KLF7: variants seen among roughly 807,000 people sequenced by gnomAD.
KLF7 encodes Krueppel-like factor 7.
A neutral mutation model predicts 27.3 loss-of-function variants in KLF7; 2 were observed. That is an observed-to-expected ratio of 0.07 (90% CI 0.03 to 0.23). The LOEUF is 0.23. KLF7 is among the 10% of genes least tolerant of loss of function. The pLI, the probability that KLF7 is intolerant of heterozygous loss-of-function variation, is 1.00. For synonymous variants in KLF7, 165 were observed against 162.4 expected (o/e 1.02, Z -0.12); for missense variants, 221 against 394.1 (o/e 0.56, Z 3.72).
chr2:207,152,272 TAC>T lies in KLF7; in HGVS notation c.102+13193_102+13194del, dbSNP rs67380335. Among the ~76,000 whole-genome samples the T allele has an allele frequency of 8.0e-4, 120 of 150,580 alleles. 1 individual carries two copies. Among genetic ancestry groups the T allele is most frequent in the African/African-American group, 2.8e-3 (113 of 40,690 alleles). ...CTAAGAACTGGTTACATGTTTTTCT[TAC>T]ACACACACACACACACACACACACA... is the stretch of plus-strand genomic sequence containing the variant. On this transcript the variant is annotated intron_variant, in intron 1 of 3. Coordinates refer to ENST00000309446, the MANE Select transcript of KLF7 (RefSeq NM_003709.4).
intron 2 of KLF7, among the ~76,000 whole-genome samples, chr2:207,102,168 C>T (rs1027814198): frequency 3.4e-5 from 5 of 148,388 alleles, no homozygotes; most frequent in South Asian, 4.4e-4. Context: ...ACCCTGCCCT[C>T]CCCCCCAATC....
At chr2:207,095,957 C>T (rs2076619158) in intron 2 of KLF7, among the ~76,000 whole-genome samples, 1 of 152,102 alleles carries the variant, frequency 6.6e-6, no homozygotes, top group African/African-American at 2.4e-5. Context: ...TTTAAAGTTA[C>T]ATATGTGGTT....
chr2:207,121,855 C>T (rs914836111), intron 2 of KLF7: 1 of 152,264 alleles, frequency 6.6e-6, no homozygotes, highest in African/African-American at 2.4e-5. Flanking sequence ...ATGCTCTGGA[C>T]TCCCTAAAAA....
At chr2:207,112,520 T>A (rs995683685) in intron 2 of KLF7, among the ~76,000 whole-genome samples, 1 of 152,218 alleles carries the variant, frequency 6.6e-6, no homozygotes, top group African/African-American at 2.4e-5. Flanking sequence ...GTAACAGCCA[T>A]TAGTGTCAAA....
At chr2:207,170,229 A>C (rs2078775764), upstream of KLF7, among the ~76,000 whole-genome samples, 1 of 152,238 alleles carries the variant, frequency 6.6e-6, no homozygotes, top group African/African-American at 2.4e-5. Context: ...ATGGAAGATC[A>C]AACCAGCAAC....
At chr2:207,140,992 A>T (rs1232145873) in intron 1 of KLF7, among the ~76,000 whole-genome samples, 1 of 152,192 alleles carries the variant, frequency 6.6e-6, no homozygotes, top group East Asian at 1.9e-4. Flanking sequence ...TGCTCCTTCT[A>T]CATAATTAGC....
chr2:207,165,298 G>A (rs1351917280), intron 1 of KLF7, among the ~76,000 whole-genome samples, 169 bp downstream of exon 1: 2 of 152,094 alleles, frequency 1.3e-5, no homozygotes, highest in African/African-American at 2.4e-5. Flanking sequence ...GGGTGGAGAG[G>A]TAAGCGCAGA....
At chr2:207,167,914 G>A (rs2078754241), upstream of KLF7, among the ~76,000 whole-genome samples, 1 of 152,158 alleles carries the variant, frequency 6.6e-6, no homozygotes, top group South Asian at 2.1e-4. Flanking sequence ...CCCCACTTGA[G>A]CTATGTAAAC....
In KLF7 at chr2:207,161,183, T is replaced by C. The variant is rs867794490; in HGVS notation, c.102+4284A>G. Among the ~76,000 whole-genome samples, 41 of 152,322 alleles carry C rather than the reference T, an allele frequency of 2.7e-4. No individual in the cohort carries two copies. The Middle Eastern group carries it at 0.014, about 51-fold the overall frequency. On this transcript the variant is annotated intron_variant, in intron 1 of 3. Transcript: ENST00000309446. ...TATTAAAGGCTAAGTGTGTGATTGATTGCAGTCACATGTGCTTTCATTTGT... is the reference window on the plus strand; with the variant it reads ...TATTAAAGGCTAAGTGTGTGATTGACTGCAGTCACATGTGCTTTCATTTGT...
intron 1 of KLF7, among the ~76,000 whole-genome samples, chr2:207,137,916 A>T (rs1174660006): frequency 2.0e-5 from 3 of 152,222 alleles, no homozygotes; most frequent in Non-Finnish European, 4.4e-5. Context: ...TGCTTTGCCC[A>T]ATTCTGAACC....
chr2:207,142,804 C>T (rs377422600), intron 1 of KLF7, among the ~76,000 whole-genome samples: 31 of 152,318 alleles, frequency 2.0e-4, no homozygotes, highest in East Asian at 1.7e-3. Context: ...GTACACATTA[C>T]GGAGGAGCAA....
intron 2 of KLF7, among the ~76,000 whole-genome samples, chr2:207,094,308 G>C (rs17216319): frequency 0.069 from 10,463 of 152,114 alleles, 400 homozygotes; most frequent in Middle Eastern, 0.092. Context: ...TTAGGATTTT[G>C]ACCTGCCTAG....
chr2:207,146,854 C>T (rs375086010), intron 1 of KLF7, among the ~76,000 whole-genome samples: 15 of 152,208 alleles, frequency 9.9e-5, no homozygotes, highest in East Asian at 5.8e-4. Flanking sequence ...GGGGCCAGAA[C>T]ATGAATGCCC....
chr2:207,166,930 G>A, upstream of KLF7: 1 of 868,850 alleles, frequency 1.2e-6, no homozygotes, highest in Non-Finnish European at 1.5e-6. Flanking sequence ...TCCCCGCCCC[G>A]CCCCGCGGGC....
At chr2:207,136,025 A>C (rs2077774771) in intron 1 of KLF7, among the ~76,000 whole-genome samples, 1 of 152,216 alleles carries the variant, frequency 6.6e-6, no homozygotes, top group South Asian at 2.1e-4. Context: ...AGAAGCAATT[A>C]GGATGAGTGA....
chr2:207,130,957 A>G (rs1463174793), intron 1 of KLF7, among the ~76,000 whole-genome samples: 2 of 152,344 alleles, frequency 1.3e-5, no homozygotes, highest in East Asian at 3.9e-4. Flanking sequence ...TTTCTAATCA[A>G]TTTTCAGTCA....
At chr2:207,150,476 A>G (rs1296040961) in intron 1 of KLF7, among the ~76,000 whole-genome samples, 1 of 152,158 alleles carries the variant, frequency 6.6e-6, no homozygotes, top group Non-Finnish European at 1.5e-5. Flanking sequence ...AAGAAGCGAT[A>G]GTTTAAGGCT....
intron 3 of KLF7, among the ~76,000 whole-genome samples, chr2:207,086,798 T>C (rs2076399159): frequency 6.6e-6 from 1 of 152,248 alleles, no homozygotes; most frequent in Admixed American, 6.5e-5. Context: ...CTACCCATAA[T>C]GCTCACAATC....
In KLF7 at chr2:207,075,305, A is replaced by C. The variant is rs1020864234; in HGVS notation, c.*5908T>G. 1 of 150,724 alleles carries C rather than the reference A, an allele frequency of 6.6e-6. No homozygotes were observed. Among genetic ancestry groups the C allele is most frequent in the African/African-American group, 2.4e-5 (1 of 41,250 alleles). 9.3% of individuals were successfully genotyped at this position (150,724 alleles called of 1,614,324 possible). On this transcript the variant is annotated 3_prime_UTR_variant, in exon 4 of 4. Transcript: ENST00000309446. ...ATACAAATAATAGTTTTAAATCTTA[A>C]GACTTTTGTACAGCAAAAAAACTTG...
Sources: allele counts gnomAD v4.1 joint callset (sites outside exome capture counted in the v4.1 genomes callset), GRCh38; gene constraint gnomAD v4.1.1; transcripts MANE v1.5; gene names NCBI Gene and HGNC (gene_info 2026-07-23, HGNC 2026-07-21).